Variants in LDAH observed in about 807,000 individuals in gnomAD.
LDAH encodes the protein lipid droplet associated hydrolase.
Under a neutral mutation model 29.6 loss-of-function variants are expected in LDAH, and 26 were observed. The ratio of observed to expected loss-of-function variants is 0.88; its 90% CI spans 0.64 to 1.22. The LOEUF (loss-of-function observed/expected upper bound fraction) is 1.22, where lower values mean the gene tolerates loss of function less well. LDAH is among the 50% of genes most tolerant of loss of function. The pLI, the probability that LDAH is intolerant of heterozygous loss-of-function variation, is 0.00. For synonymous variants in LDAH, 117 were observed against 133.0 expected, an observed-to-expected ratio of 0.88 and a Z score of 0.83; for missense variants, 344 against 387.3, an observed-to-expected ratio of 0.89 and a Z score of 0.94.
intron 1 of LDAH, among the ~76,000 whole-genome samples, chr2:20,804,445 T>C (rs1572669724): frequency 6.6e-6 from 1 of 152,230 alleles, no homozygotes. Context: ...AACTAAATGG[T>C]CATGGATAGA....
intron 2 of LDAH, among the ~76,000 whole-genome samples, chr2:20,793,106 A>G (rs1021593175): frequency 6.6e-6 from 1 of 152,078 alleles, no homozygotes; most frequent in African/African-American, 2.4e-5. Flanking sequence ...TTATTTATTG[A>G]GCACTTACTG....
chr2:20,751,856 G>A (rs371858182), intron 4 of LDAH, among the ~76,000 whole-genome samples: 12 of 152,204 alleles, frequency 7.9e-5, no homozygotes, highest in South Asian at 4.1e-4. Context: ...AAAGAAACAC[G>A]CAGTAAACAA....
At chr2:20,791,549 T>C (rs572935202) in intron 2 of LDAH, among the ~76,000 whole-genome samples, 11 of 152,210 alleles carry the variant, frequency 7.2e-5, no homozygotes, top group African/African-American at 2.4e-4. Context: ...AGTTCCAAAT[T>C]CCTTTTTGTG....
chr2:20,719,420 C>A (rs1262285013), intron 5 of LDAH, among the ~76,000 whole-genome samples: 2 of 151,474 alleles, frequency 1.3e-5, no homozygotes, highest in Non-Finnish European at 2.9e-5. Flanking sequence ...AAAATACAAT[C>A]TACTAAAATT....
chr2:20,766,524 C>T (rs976265558), intron 4 of LDAH, among the ~76,000 whole-genome samples: 1 of 152,168 alleles, frequency 6.6e-6, no homozygotes, highest in African/African-American at 2.4e-5. Flanking sequence ...GGCAGCCTAC[C>T]CTCAAAGGAT....
intron 1 of LDAH, among the ~76,000 whole-genome samples, chr2:20,809,199 G>C (rs944710247): frequency 2.0e-4 from 30 of 148,640 alleles, no homozygotes; most frequent in African/African-American, 7.8e-4. Flanking sequence ...AGACCATCCT[G>C]GCCAACATCG....
chr2:20,742,589 G>C (rs566117542), intron 4 of LDAH, among the ~76,000 whole-genome samples: 4 of 152,178 alleles, frequency 2.6e-5, no homozygotes, highest in Non-Finnish European at 4.4e-5. Context: ...GCTTTGAAAA[G>C]TCGGCCTTGT....
chr2:20,814,905 T>C (rs1166079157), intron 1 of LDAH, among the ~76,000 whole-genome samples: 8 of 152,118 alleles, frequency 5.3e-5, no homozygotes, highest in African/African-American at 1.9e-4. Context: ...TAACAAGGAA[T>C]TACCTGAGAC....
chr2:20,747,474 A>G (rs939760959), intron 4 of LDAH, among the ~76,000 whole-genome samples: 4 of 152,164 alleles, frequency 2.6e-5, no homozygotes, highest in African/African-American at 9.7e-5. Context: ...TGCAATGTCA[A>G]CCAGACAGCC....
At chr2:20,755,899 A>G (rs1187771266) in intron 4 of LDAH, among the ~76,000 whole-genome samples, 1 of 152,214 alleles carries the variant, frequency 6.6e-6, no homozygotes, top group Non-Finnish European at 1.5e-5. Context: ...ATGGCTCCAG[A>G]AAAAATATGT....
chr2:20,787,837 T>C (rs1670661105), intron 3 of LDAH, among the ~76,000 whole-genome samples: 1 of 152,186 alleles, frequency 6.6e-6, no homozygotes, highest in South Asian at 2.1e-4. Flanking sequence ...CATCACGATA[T>C]TGACATAGGG....
rs139837785 is a variant in LDAH, at chr2:20,699,376, C to T, written c.786+2194G>A. Among the ~76,000 whole-genome samples, 791 of 152,218 alleles carry T rather than the reference C, an allele frequency of 5.2e-3. 7 individuals carry two copies. The highest frequency in any genetic ancestry group is 0.018 in the African/African-American group (762 of 41,524). On this transcript the variant is annotated intron_variant, in intron 6 of 6. Coordinates refer to ENST00000237822, the MANE Select transcript of LDAH (RefSeq NM_021925.4). ...CCCACTATCTTCCTAGAACTATGTG[C>T]ACTTTTAAGTTTCCTTATTTTCTCA...
At chr2:20,723,563 C>A (rs1665811762) in intron 5 of LDAH, among the ~76,000 whole-genome samples, 1 of 151,960 alleles carries the variant, frequency 6.6e-6, no homozygotes, top group Non-Finnish European at 1.5e-5. Flanking sequence ...TTATTCCTAC[C>A]CTTATTTATT....
intron 5 of LDAH, among the ~76,000 whole-genome samples, chr2:20,718,619 A>G (rs1665415914): frequency 6.6e-6 from 1 of 152,136 alleles, no homozygotes; most frequent in African/African-American, 2.4e-5. Flanking sequence ...CAGGCAGAAA[A>G]TTAACAAAGA....
At chr2:20,707,972 C>T (rs1664434735) in intron 5 of LDAH, among the ~76,000 whole-genome samples, 3 of 152,156 alleles carry the variant, frequency 2.0e-5, no homozygotes, top group Admixed American at 6.5e-5. Context: ...ATCTAGGTTG[C>T]GTGCTCCTTA....
intron 2 of LDAH, among the ~76,000 whole-genome samples, chr2:20,794,644 A>G (rs964780871): frequency 6.6e-6 from 1 of 152,168 alleles, no homozygotes; most frequent in Non-Finnish European, 1.5e-5. Context: ...AAGAAAAACC[A>G]TACGATCCTC....
intron 2 of LDAH, among the ~76,000 whole-genome samples, 168 bp from the exon 3 acceptor site, chr2:20,790,566 T>G (rs1365332547): frequency 6.6e-6 from 1 of 152,168 alleles, no homozygotes; most frequent in Non-Finnish European, 1.5e-5. Flanking sequence ...AGCAGTACCC[T>G]ATTTAAACAC....
intron 4 of LDAH, among the ~76,000 whole-genome samples, chr2:20,743,287 C>G (rs1667326173): frequency 1.3e-5 from 2 of 148,742 alleles, no homozygotes; most frequent in African/African-American, 4.9e-5. Flanking sequence ...TTTGCAATAT[C>G]CATTTACAAC....
At chr2:20,769,536 A>G (rs1426577926) in intron 4 of LDAH, among the ~76,000 whole-genome samples, 1 of 152,230 alleles carries the variant, frequency 6.6e-6, no homozygotes, top group Non-Finnish European at 1.5e-5. Flanking sequence ...AGTAAACCAC[A>G]GTCTCAATAA....
Sources: allele counts gnomAD v4.1 joint callset (sites outside exome capture counted in the v4.1 genomes callset), GRCh38; gene constraint gnomAD v4.1.1; transcripts MANE v1.5; gene names NCBI Gene and HGNC (gene_info 2026-07-23, HGNC 2026-07-21).